The following TNKS variants were observed in gnomAD, a reference collection of about 807,000 sequenced individuals.
The protein encoded by TNKS is poly [ADP-ribose] polymerase tankyrase-1.
Under a neutral mutation model 135.8 loss-of-function variants are expected in TNKS, and 72 were observed. That is an observed-to-expected ratio of 0.53 (90% CI 0.44 to 0.64). TNKS has a LOEUF of 0.64. Ranked by LOEUF, TNKS falls within the 30% of genes least tolerant of loss-of-function variation. The pLI, the probability that TNKS is intolerant of heterozygous loss-of-function variation, is 0.00. For synonymous variants in TNKS, 849 were observed against 649.3 expected (o/e 1.31, Z -4.68); for missense variants, 1,769 against 1,674.0 (o/e 1.06, Z -0.99).
At chr8:9,774,181 A>G (rs1212623760) in intron 26 of TNKS, among the ~76,000 whole-genome samples, 1 of 152,238 alleles carries the variant, frequency 6.6e-6, no homozygotes, top group Non-Finnish European at 1.5e-5. Context: ...ACTTCACATT[A>G]GACATGAAGG....
intron 23 of TNKS, 66 bp downstream of exon 23, chr8:9,764,856 A>C: frequency 3.7e-6 from 5 of 1,356,130 alleles, no homozygotes; most frequent in Non-Finnish European, 5.0e-6. Context: ...AAATCTAGAC[A>C]ATGAAAAAAG....
At chr8:9,730,493 G>A (rs1308875634) in intron 13 of TNKS, among the ~76,000 whole-genome samples, 3 of 152,086 alleles carry the variant, frequency 2.0e-5, no homozygotes, top group Admixed American at 2.0e-4. Context: ...GAGCTCTCTA[G>A]TTACACAGTC....
intron 17 of TNKS, among the ~76,000 whole-genome samples, chr8:9,741,433 A>G (rs542391077): frequency 7.9e-5 from 12 of 152,198 alleles, no homozygotes; most frequent in Admixed American, 3.3e-4. Flanking sequence ...AGGAAGTTCT[A>G]CTCCATTAGC....
intron 3 of TNKS, among the ~76,000 whole-genome samples, chr8:9,647,856 A>G (rs1335337967): frequency 6.6e-6 from 1 of 152,198 alleles, no homozygotes; most frequent in Non-Finnish European, 1.5e-5. Context: ...GAATATACTT[A>G]CACAAACCTA....
chr8:9,610,220 T>G (rs1354666110), intron 2 of TNKS, among the ~76,000 whole-genome samples: 1 of 152,124 alleles, frequency 6.6e-6, no homozygotes, highest in Non-Finnish European at 1.5e-5. Flanking sequence ...ATAAAATACA[T>G]TAGCTTGACT....
intron 5 of TNKS, among the ~76,000 whole-genome samples, chr8:9,691,243 T>G (rs1426348908): frequency 1.4e-5 from 2 of 141,028 alleles, no homozygotes; most frequent in Non-Finnish European, 3.1e-5. Context: ...AATCAATTAT[T>G]CTTTCCAATT....
chr8:9,744,347 C>T (rs906819391), intron 17 of TNKS, among the ~76,000 whole-genome samples: 1 of 152,148 alleles, frequency 6.6e-6, no homozygotes, highest in Admixed American at 6.5e-5. Flanking sequence ...GATTCATTTT[C>T]TCTCAACTGT....
intron 3 of TNKS, among the ~76,000 whole-genome samples, chr8:9,677,485 C>T (rs7822904): frequency 0.74 from 112,947 of 152,004 alleles, 42,083 homozygotes; most frequent in Middle Eastern, 0.82. Context: ...TGTTTCACTA[C>T]GACTTAAATT....
intron 3 of TNKS, among the ~76,000 whole-genome samples, chr8:9,655,939 T>C (rs1165283771): frequency 7.2e-5 from 11 of 151,984 alleles, no homozygotes; most frequent in Admixed American, 7.2e-4. Flanking sequence ...AAGATCAAAC[T>C]ATTCCGAGCT....
chr8:9,600,217 T>C (rs975180522), intron 2 of TNKS, among the ~76,000 whole-genome samples: 21 of 152,232 alleles, frequency 1.4e-4, no homozygotes, highest in African/African-American at 5.1e-4. Flanking sequence ...AGCCAGCCTC[T>C]GAAGTACAGC....
At chr8:9,718,919 G>A (rs1259954739) in intron 11 of TNKS, among the ~76,000 whole-genome samples, 1 of 152,174 alleles carries the variant, frequency 6.6e-6, no homozygotes, top group African/African-American at 2.4e-5. Flanking sequence ...TGGATTGGGA[G>A]TTCCCATTAC....
intron 2 of TNKS, among the ~76,000 whole-genome samples, chr8:9,610,037 T>G (rs1449638629): frequency 1.3e-5 from 2 of 151,984 alleles, no homozygotes; most frequent in Non-Finnish European, 2.9e-5. Context: ...TTTTGTATTT[T>G]TAATAGAGAT....
rs1804070538 is a variant in TNKS, at chr8:9,706,823, G to A, written c.1282G>A (p.Val428Ile). ...TELLLKHGAC[V>I]NAMDLWQFTP... is the part of the protein sequence containing the mutation. ...TTTCTCAATTCAGCATGGAGCTTGT[G>A]TTAATGCCATGGATCTCTGGCAGTT... Residue 428 changes from valine (V) to isoleucine (I), a missense_variant, in exon 8 of 27, where the codon GTT (valine) becomes ATT (isoleucine). By Grantham distance (29) the Val-to-Ile change is conservative. Coordinates refer to ENST00000310430, the MANE Select transcript of TNKS (RefSeq NM_003747.3). The A allele has an allele frequency of 1.2e-6, 2 of 1,611,248 alleles. No individual in the cohort carries two copies. The highest frequency in any genetic ancestry group is 2.2e-5 in the East Asian group (1 of 44,784).
At chr8:9,604,357 A>G (rs1397996112) in intron 2 of TNKS, among the ~76,000 whole-genome samples, 3 of 152,260 alleles carry the variant, frequency 2.0e-5, no homozygotes, top group African/African-American at 4.8e-5. Flanking sequence ...AATTTAATTG[A>G]TATCACCAAA....
chr8:9,620,893 G>T (rs1433828332), intron 3 of TNKS, among the ~76,000 whole-genome samples: 1 of 152,132 alleles, frequency 6.6e-6, no homozygotes, highest in East Asian at 1.9e-4. Flanking sequence ...TAAGGGTTTG[G>T]ACTTTTGTCT....
intron 7 of TNKS, 34 bp downstream of exon 7, chr8:9,706,287 CTTTTT>C: frequency 9.7e-7 from 1 of 1,027,112 alleles, no homozygotes; most frequent in Middle Eastern, 2.5e-4. Flanking sequence ...GCATCATTTA[CTTTTT>C]TTTTTTTTCT....
At chr8:9,724,032 A>G (rs149256249) in intron 12 of TNKS, among the ~76,000 whole-genome samples, 1 of 152,344 alleles carries the variant, frequency 6.6e-6, no homozygotes, top group East Asian at 1.9e-4. Flanking sequence ...TCTATAAAAG[A>G]TGTTTTTAAA....
rs1808381485 is a variant in TNKS, at chr8:9,779,688, A to G, written c.*2952A>G. On this transcript the variant is annotated 3_prime_UTR_variant, in exon 27 of 27. Transcript: ENST00000310430. Reference sequence around the variant, plus strand: ...TCCTCATCTTGGGTCTTAAAAAAGGAGACCAGATACCTCCTAGCTTTTGTA... The same window carrying G: ...TCCTCATCTTGGGTCTTAAAAAAGGGGACCAGATACCTCCTAGCTTTTGTA... 1 of 152,210 alleles carries G rather than the reference A, an allele frequency of 6.6e-6. No homozygotes were observed. Among genetic ancestry groups the G allele is most frequent in the Non-Finnish European group, 1.5e-5 (1 of 68,032 alleles). The allele number at this position is 152,210 out of a possible 1,614,324, so 9.4% of individuals were successfully genotyped here.
chr8:9,688,550 T>A (rs1345128384), intron 5 of TNKS, among the ~76,000 whole-genome samples: 1 of 152,218 alleles, frequency 6.6e-6, no homozygotes, highest in African/African-American at 2.4e-5. Context: ...AGAAATTTAT[T>A]TCTCACAGTT....
Sources: allele counts gnomAD v4.1 joint callset (sites outside exome capture counted in the v4.1 genomes callset), GRCh38; gene constraint gnomAD v4.1.1; transcripts MANE v1.5; gene names NCBI Gene and HGNC (gene_info 2026-07-23, HGNC 2026-07-21).